Variants in PKD1L3 observed in about 807,000 individuals in gnomAD.
The protein encoded by PKD1L3 is polycystin 1 like 3, transient receptor potential channel interacting.
In PKD1L3, 239 loss-of-function variants were observed where a neutral mutation model predicts 184.1. The observed-to-expected ratio is 1.30, with a 90% CI of 1.17 to 1.45. The LOEUF (loss-of-function observed/expected upper bound fraction) is 1.45, where lower values mean the gene tolerates loss of function less well. Ranked by LOEUF, PKD1L3 falls within the 40% of genes most tolerant of loss-of-function variation. The pLI is 0.00. For missense variants in PKD1L3, 2,660 were observed against 2,067.2 expected, an observed-to-expected ratio of 1.29 and a Z score of -5.56; for synonymous variants, 996 against 778.8, an observed-to-expected ratio of 1.28 and a Z score of -4.64.
intron 16 of PKD1L3, among the ~76,000 whole-genome samples, chr16:71,962,277 C>T (rs543387396): frequency 2.6e-5 from 4 of 151,832 alleles, no homozygotes; most frequent in South Asian, 2.1e-4. Context: ...AGGAAAAAGC[C>T]GAGAGCCGTA....
At chr16:71,941,451 C>T (rs1037596658) in intron 24 of PKD1L3, among the ~76,000 whole-genome samples, 2 of 151,166 alleles carry the variant, frequency 1.3e-5, no homozygotes, top group Non-Finnish European at 2.9e-5. Flanking sequence ...CCAGGAGTTA[C>T]AATGTCAAAA....
intron 16 of PKD1L3, among the ~76,000 whole-genome samples, chr16:71,955,487 C>T (rs188425214): frequency 4.6e-5 from 7 of 151,928 alleles, no homozygotes; most frequent in Non-Finnish European, 4.4e-5. Flanking sequence ...AACAGAATAT[C>T]ATTTAGTTTT....
At chr16:71,959,052 C>T (rs1163576244) in intron 16 of PKD1L3, among the ~76,000 whole-genome samples, 3 of 139,860 alleles carry the variant, frequency 2.1e-5, no homozygotes, top group Non-Finnish European at 4.6e-5. Context: ...CCACTGCACT[C>T]CAGCCTGGAT....
intron 22 of PKD1L3, among the ~76,000 whole-genome samples, chr16:71,945,286 A>ATATATATATATATC (rs1202363334): frequency 5.0e-5 from 3 of 60,154 alleles, no homozygotes; most frequent in African/African-American, 2.8e-4. Context: ...ATATATATAT[A>ATATATATATATATC]TATATATATA....
At chr16:71,965,093 C>T (rs559539249) in intron 15 of PKD1L3, among the ~76,000 whole-genome samples, 1 of 152,120 alleles carries the variant, frequency 6.6e-6, no homozygotes, top group Non-Finnish European at 1.5e-5. Context: ...AGTGATCTAA[C>T]CACCTTGGCC....
At chr16:71,938,409 A>G (rs995718367) in intron 24 of PKD1L3, among the ~76,000 whole-genome samples, 5 of 152,116 alleles carry the variant, frequency 3.3e-5, no homozygotes, top group African/African-American at 1.2e-4. Flanking sequence ...CAGCCTGGGC[A>G]CCATGGGTGA....
chr16:71,937,074 G>C (rs1023745397), intron 25 of PKD1L3, among the ~76,000 whole-genome samples: 1 of 151,884 alleles, frequency 6.6e-6, no homozygotes, highest in Non-Finnish European at 1.5e-5. Context: ...CATTATTTTT[G>C]AGACAGGGTC....
Position 71,967,906 on chromosome 16 carries a change from C to CT in PKD1L3, c.2285dup (p.Val763GlyfsTer13). Reference sequence around the variant, plus strand: ...TGTGAAAAACATTTATTTCATTAACCTTAGCTGTTGTAGCAGCGCTTCTTC... The same window carrying CT: ...TGTGAAAAACATTTATTTCATTAACCTTTAGCTGTTGTAGCAGCGCTTCTTC... On this transcript the variant is annotated frameshift_variant and splice_region_variant, in exon 14 of 30. Transcript: ENST00000620267. LOFTEE classifies it high-confidence loss of function. 1 of 1,547,812 alleles carries CT rather than the reference C, an allele frequency of 6.5e-7. No homozygotes were observed. Among genetic ancestry groups the CT allele is most frequent in the Non-Finnish European group, 8.7e-7 (1 of 1,143,706 alleles).
intron 9 of PKD1L3, 66 bp from the exon 10 acceptor site, chr16:71,978,449 G>C (rs1056143807): frequency 1.7e-5 from 23 of 1,324,538 alleles, no homozygotes; most frequent in African/African-American, 3.0e-5. Context: ...CCACTAGAAA[G>C]ATATATCATA....
chr16:71,931,895 G>T (rs2037986465), intron 28 of PKD1L3, among the ~76,000 whole-genome samples: 1 of 152,124 alleles, frequency 6.6e-6, no homozygotes, highest in Non-Finnish European at 1.5e-5. Context: ...TTGTTACACC[G>T]GTTTGTGGTT....
At chr16:71,940,197 C>T (rs1278744713) in intron 24 of PKD1L3, among the ~76,000 whole-genome samples, 1 of 152,096 alleles carries the variant, frequency 6.6e-6, no homozygotes, top group Non-Finnish European at 1.5e-5. Context: ...CCTATCTTGC[C>T]TTCTACCACC....
chr16:71,979,866 G>T lies in PKD1L3; in HGVS notation c.1318C>A (p.Pro440Thr). 1 of 1,538,810 alleles carries T rather than the reference G, an allele frequency of 6.5e-7. No homozygotes were observed. Among genetic ancestry groups the T allele is most frequent in the Non-Finnish European group, 8.7e-7 (1 of 1,144,318 alleles). ...LPLSSYTLGHPAPVRLGFPSA... is the reference protein window; with the variant it reads ...LPLSSYTLGHTAPVRLGFPSA... ...GGAAAGCCTAGCCTCACAGGGGCTG[G>T]GTGACCCAGAGTGTAAGAGCTCAGC... The change falls in exon 9 of 30, where the codon CCA becomes ACA. Residue 440 changes from proline (P) to threonine (T), a missense_variant. Transcript: ENST00000620267.
chr16:71,986,493 G>C, intron 4 of PKD1L3, 24 bp from the exon 5 acceptor site: 1 of 1,537,834 alleles, frequency 6.5e-7, no homozygotes, highest in Non-Finnish European at 8.8e-7. Context: ...ATATGTAAAG[G>C]AAAAGACTGA....
At chr16:71,977,146 G>A (rs2039957516) in intron 11 of PKD1L3, 90 bp downstream of exon 11, 1 of 1,002,166 alleles carries the variant, frequency 1.0e-6, no homozygotes, top group Non-Finnish European at 1.5e-6. Context: ...CTGACAGTTT[G>A]AGGCTGCAGT....
At chr16:71,964,373 C>G (rs754668040) in intron 15 of PKD1L3, among the ~76,000 whole-genome samples, 2 of 102,154 alleles carry the variant, frequency 2.0e-5, no homozygotes, top group Non-Finnish European at 3.6e-5. Context: ...GAGTTTCACT[C>G]TCTTGCACAG....
intron 5 of PKD1L3, among the ~76,000 whole-genome samples, chr16:71,985,194 G>GAAAAAC (rs953308084): frequency 2.0e-5 from 3 of 151,874 alleles, no homozygotes; most frequent in African/African-American, 7.3e-5. Context: ...GGATTTCCAA[G>GAAAAAC]AAAAACAAAA....
At chr16:71,988,557 T>C (rs12598018) in intron 4 of PKD1L3, among the ~76,000 whole-genome samples, 84,943 of 151,750 alleles carry the variant, frequency 0.56, 24,591 homozygotes, top group African/African-American at 0.7. Context: ...GTGGTGACCA[T>C]GGTGAGAAGG....
At chr16:71,947,450 C>T in intron 22 of PKD1L3, 42 bp downstream of exon 22, 1 of 1,396,488 alleles carries the variant, frequency 7.2e-7, no homozygotes, top group South Asian at 1.2e-5. Flanking sequence ...ATCTAATTTG[C>T]TTTTTGCAAA....
intron 11 of PKD1L3, among the ~76,000 whole-genome samples, chr16:71,976,857 C>T (rs2039944782): frequency 6.6e-6 from 1 of 152,178 alleles, no homozygotes; most frequent in Non-Finnish European, 1.5e-5. Context: ...ATTTTCCTGC[C>T]TCAGCCTCCC....
Sources: allele counts gnomAD v4.1 joint callset (sites outside exome capture counted in the v4.1 genomes callset), GRCh38; gene constraint gnomAD v4.1.1; transcripts MANE v1.5; gene names NCBI Gene and HGNC (gene_info 2026-07-23, HGNC 2026-07-21).